Variants in GRM7 observed in about 807,000 individuals in gnomAD.
The protein encoded by GRM7 is metabotropic glutamate receptor 7.
A neutral mutation model predicts 84.5 loss-of-function variants in GRM7; 35 were observed. The observed-to-expected ratio is 0.41, with a 90% CI of 0.32 to 0.55. The LOEUF (loss-of-function observed/expected upper bound fraction) is 0.55, where lower values mean the gene tolerates loss of function less well. GRM7 is among the 20% of genes least tolerant of loss of function. The pLI is 0.19. For synonymous variants in GRM7, 487 were observed against 455.1 expected, an observed-to-expected ratio of 1.07 and a Z score of -0.89; for missense variants, 1,003 against 1,194.6, an observed-to-expected ratio of 0.84 and a Z score of 2.36.
intron 1 of GRM7, among the ~76,000 whole-genome samples, chr3:7,085,679 A>G (rs1367644727): frequency 6.6e-6 from 1 of 152,146 alleles, no homozygotes; most frequent in Non-Finnish European, 1.5e-5. Context: ...AGTGGTTGGC[A>G]TGGTAGGTAA....
At chr3:6,964,328 A>C (rs1004575779) in intron 1 of GRM7, among the ~76,000 whole-genome samples, 2 of 152,060 alleles carry the variant, frequency 1.3e-5, no homozygotes, top group Non-Finnish European at 2.9e-5. Context: ...CTGTGAACTT[A>C]TCATTGTATC....
rs536428916 is a variant in GRM7, at chr3:7,024,721, A to G, written c.520-121731A>G. The stretch of plus-strand genomic sequence containing the variant: ...GAGCCTAGAAGGGGCTGCTTGTTAG[A>G]TATCATTTTCCCGTAACTCTAAACA... On this transcript the variant is annotated intron_variant, in intron 1 of 9. Coordinates refer to ENST00000357716, the MANE Select transcript of GRM7 (RefSeq NM_000844.4). Among the ~76,000 whole-genome samples the G allele has an allele frequency of 3.3e-5, 5 of 152,310 alleles. No homozygotes were observed. The East Asian group carries it at 9.7e-4, about 30-fold the overall frequency.
chr3:7,460,955 A>C (rs1575371002), intron 6 of GRM7, among the ~76,000 whole-genome samples: 1 of 152,356 alleles, frequency 6.6e-6, no homozygotes, highest in East Asian at 1.9e-4. Context: ...TAGACATTTT[A>C]GGAAGATCCA....
intron 7 of GRM7, among the ~76,000 whole-genome samples, chr3:7,524,981 T>G (rs1202031267): frequency 6.7e-6 from 1 of 149,222 alleles, no homozygotes; most frequent in Admixed American, 6.7e-5. Context: ...TGGATGAAAT[T>G]GGAAATCATC....
chr3:7,240,120 G>GCTTTTTT (rs1697495032), intron 2 of GRM7, among the ~76,000 whole-genome samples: 1 of 52,732 alleles, frequency 1.9e-5, no homozygotes, highest in Admixed American at 3.6e-4. Context: ...AGCATGTGAG[G>GCTTTTTT]TTTTTTTTTT....
chr3:7,736,535 A>T (rs1398875467), intron 9 of GRM7, among the ~76,000 whole-genome samples: 2 of 152,170 alleles, frequency 1.3e-5, no homozygotes, highest in Non-Finnish European at 2.9e-5. Flanking sequence ...TTTCAAGTGG[A>T]TATGCAAGGA....
At chr3:6,981,997 T>A (rs1263807183) in intron 1 of GRM7, among the ~76,000 whole-genome samples, 2 of 152,174 alleles carry the variant, frequency 1.3e-5, no homozygotes, top group Non-Finnish European at 2.9e-5. Flanking sequence ...CATGCACTCG[T>A]ATGCCCATCC....
At chr3:6,891,101 C>G (rs917579686) in intron 1 of GRM7, among the ~76,000 whole-genome samples, 1 of 152,124 alleles carries the variant, frequency 6.6e-6, no homozygotes, top group Admixed American at 6.5e-5. Flanking sequence ...CTTCCTCCAT[C>G]CTTTTATTTT....
At chr3:7,452,206 G>T (rs1222821156) in intron 5 of GRM7, among the ~76,000 whole-genome samples, 3 of 152,066 alleles carry the variant, frequency 2.0e-5, no homozygotes, top group Admixed American at 6.6e-5. Context: ...TACAATAGGT[G>T]TGTAGAAAGT....
At chr3:6,945,906 G>T (rs868536662) in intron 1 of GRM7, among the ~76,000 whole-genome samples, 5 of 151,948 alleles carry the variant, frequency 3.3e-5, no homozygotes, top group South Asian at 4.2e-4. Flanking sequence ...TTTTTGGTGG[G>T]GTTGTTTTTT....
chr3:7,091,831 A>T (rs1698675918), intron 1 of GRM7, among the ~76,000 whole-genome samples: 1 of 151,222 alleles, frequency 6.6e-6, no homozygotes, highest in East Asian at 2.0e-4. Context: ...CTTATGCTAC[A>T]TGGTACTTTA....
chr3:7,634,283 C>T (rs2125098924), intron 8 of GRM7, among the ~76,000 whole-genome samples: 1 of 152,190 alleles, frequency 6.6e-6, no homozygotes, highest in Admixed American at 6.5e-5. Flanking sequence ...TGACCAACTG[C>T]TTGTTGATCA....
At chr3:6,930,407 T>C (rs1697461571) in intron 1 of GRM7, among the ~76,000 whole-genome samples, 1 of 152,210 alleles carries the variant, frequency 6.6e-6, no homozygotes, top group Non-Finnish European at 1.5e-5. Context: ...CTATATCCTA[T>C]GATTATAACA....
intron 8 of GRM7, among the ~76,000 whole-genome samples, chr3:7,580,478 C>T (rs1695197994): frequency 6.6e-6 from 1 of 152,114 alleles, no homozygotes; most frequent in African/African-American, 2.4e-5. Flanking sequence ...CCTGTGTATC[C>T]AGGAATTAGA....
At chr3:7,570,564 A>G (rs973743452) in intron 7 of GRM7, among the ~76,000 whole-genome samples, 1 of 152,280 alleles carries the variant, frequency 6.6e-6, no homozygotes, top group South Asian at 2.1e-4. Context: ...GTGGGTTCCC[A>G]TGGCCTTAGG....
intron 4 of GRM7, among the ~76,000 whole-genome samples, chr3:7,321,154 G>A (rs1263586556): frequency 6.6e-6 from 1 of 151,998 alleles, no homozygotes; most frequent in Non-Finnish European, 1.5e-5. Flanking sequence ...GGAAAAGTTA[G>A]ATAATGCAGA....
At chr3:7,499,292 G>A (rs1174898559) in intron 7 of GRM7, among the ~76,000 whole-genome samples, 8 of 152,178 alleles carry the variant, frequency 5.3e-5, no homozygotes, top group South Asian at 4.2e-4. Context: ...AGCCTTGGGA[G>A]ATACATGGAG....
intron 8 of GRM7, among the ~76,000 whole-genome samples, chr3:7,667,933 T>C (rs1019375162): frequency 1.3e-5 from 2 of 152,104 alleles, no homozygotes; most frequent in African/African-American, 4.8e-5. Flanking sequence ...CATTTTTCTA[T>C]TGTGAGGAGA....
chr3:7,311,706 G>C (rs1700402578), intron 4 of GRM7, among the ~76,000 whole-genome samples: 2 of 151,186 alleles, frequency 1.3e-5, no homozygotes, highest in Non-Finnish European at 2.9e-5. Context: ...TGATTCTCCT[G>C]CCTCAGCCTC....
Sources: allele counts gnomAD v4.1 joint callset (sites outside exome capture counted in the v4.1 genomes callset), GRCh38; gene constraint gnomAD v4.1.1; transcripts MANE v1.5; gene names NCBI Gene and HGNC (gene_info 2026-07-23, HGNC 2026-07-21).